The following NR5A2 variants were observed in gnomAD, a reference collection of about 807,000 sequenced individuals.
NR5A2 encodes nuclear receptor subfamily 5 group A member 2, also known as CYP7A promoter-binding factor.
NR5A2 carries 26 observed loss-of-function variants against 62.7 expected under a neutral mutation model. That is an observed-to-expected ratio of 0.41 (90% CI 0.30 to 0.58). The LOEUF (loss-of-function observed/expected upper bound fraction) is 0.58, where lower values mean the gene tolerates loss of function less well. NR5A2 is among the 20% of genes least tolerant of loss of function. The probability of loss-of-function intolerance (pLI) is 0.22; values close to 1 mark genes in which losing one functional copy is unlikely to be tolerated. For synonymous variants in NR5A2, 246 were observed against 241.7 expected (o/e 1.02, Z -0.16); for missense variants, 541 against 669.1 (o/e 0.81, Z 2.11).
chr1:200,135,313 G>A (rs1402701175), intron 7 of NR5A2, among the ~76,000 whole-genome samples: 4 of 152,146 alleles, frequency 2.6e-5, no homozygotes, highest in South Asian at 2.1e-4. Flanking sequence ...CTGAGGTCGC[G>A]AGTTCGAGAC....
chr1:200,094,966 G>A (rs1359348218), intron 5 of NR5A2, among the ~76,000 whole-genome samples: 1 of 152,024 alleles, frequency 6.6e-6, no homozygotes, highest in East Asian at 1.9e-4. Context: ...AGAACATAAA[G>A]GAATATGTTA....
At chr1:200,031,537 CAAAACA>C (rs1397731900) in intron 1 of NR5A2, among the ~76,000 whole-genome samples, 1 of 139,758 alleles carries the variant, frequency 7.2e-6, no homozygotes, top group Non-Finnish European at 1.6e-5. Flanking sequence ...CAAAACAAAA[CAAAACA>C]AAAAAAGGAT....
chr1:200,102,839 G>A (rs548194762), intron 5 of NR5A2, among the ~76,000 whole-genome samples: 6 of 152,212 alleles, frequency 3.9e-5, no homozygotes, highest in Non-Finnish European at 7.3e-5. Context: ...AGGAATGATA[G>A]TATGGGATGG....
chr1:200,157,285 T>G (rs1231740549), intron 7 of NR5A2, among the ~76,000 whole-genome samples: 1 of 152,214 alleles, frequency 6.6e-6, no homozygotes, highest in Non-Finnish European at 1.5e-5. Context: ...ATAATTCTGC[T>G]AAATAATCAG....
intron 5 of NR5A2, among the ~76,000 whole-genome samples, chr1:200,081,816 T>C (rs1365137817): frequency 6.6e-6 from 1 of 151,946 alleles, no homozygotes; most frequent in African/African-American, 2.4e-5. Flanking sequence ...AGCACTCTGT[T>C]TGTTATTCTA....
In NR5A2 at chr1:200,039,675, C is replaced by A; in HGVS notation, c.82C>A (p.Arg28=). 1 of 1,611,470 alleles carries A rather than the reference C, an allele frequency of 6.2e-7. No homozygotes were observed. Among genetic ancestry groups the A allele is most frequent in the Non-Finnish European group, 8.5e-7 (1 of 1,178,946 alleles). The stretch of plus-strand genomic sequence containing the variant: ...GTGTCCAGGTGCTGGGCTTCCGGAC[C>A]GACACGGATCCCCCATCCCCGCCCG... ...LTPIGAGLPD[R]HGSPIPARGR... The change falls in exon 2 of 8, where the codon CGA becomes AGA. Residue 28 remains arginine, a synonymous_variant. Coordinates refer to ENST00000367362, the MANE Select transcript of NR5A2 (RefSeq NM_205860.3). The surrounding 1 kb of genome is among the most constrained non-coding windows in gnomAD (Gnocchi z 5.1).
chr1:200,157,534 A>G (rs1571570991), intron 7 of NR5A2, among the ~76,000 whole-genome samples: 2 of 152,334 alleles, frequency 1.3e-5, no homozygotes, highest in Middle Eastern at 6.8e-3. Context: ...TCTTTTGCAA[A>G]TGTTTCAAGC....
At chr1:200,038,825 AG>A in intron 1 of NR5A2, 1 of 1,074,726 alleles carries the variant, frequency 9.3e-7, no homozygotes, top group Non-Finnish European at 1.2e-6. Flanking sequence ...GTGGGGTGGG[AG>A]GGGGTGAGGC....
At chr1:200,067,610 G>A (rs1663550861) in intron 5 of NR5A2, among the ~76,000 whole-genome samples, 1 of 151,886 alleles carries the variant, frequency 6.6e-6, no homozygotes, top group Non-Finnish European at 1.5e-5. Flanking sequence ...GGGAACAACA[G>A]ACACGAGTCT....
intron 7 of NR5A2, among the ~76,000 whole-genome samples, chr1:200,159,792 C>T (rs1167252122): frequency 6.6e-6 from 1 of 151,856 alleles, no homozygotes; most frequent in Non-Finnish European, 1.5e-5. Context: ...GCTGGAATTA[C>T]AGGCGCGAGC....
chr1:200,141,435 A>G (rs1380144381), intron 7 of NR5A2, among the ~76,000 whole-genome samples: 1 of 152,198 alleles, frequency 6.6e-6, no homozygotes, highest in Non-Finnish European at 1.5e-5. Context: ...AAGTGTATCA[A>G]TAGTTTGTTC....
At position 200,039,450 on chromosome 1, in the gene NR5A2, C is replaced by G. The variant is rs1661948314; in HGVS notation, c.65-208C>G. Among the ~76,000 whole-genome samples the G allele has an allele frequency of 6.6e-6, 1 of 152,118 alleles. No homozygotes were observed. The highest frequency in any genetic ancestry group is 6.5e-5 in the Admixed American group (1 of 15,282). ...AACCAGAGGGCCGGGACGCTGTCTT[C>G]CTCGCCTCCTTTTTTAACCCTGACC... On this transcript the variant is annotated intron_variant, in intron 1 of 7. Transcript: ENST00000367362. This position sits in a 1 kb window ranked among gnomAD's most constrained non-coding sequence, Gnocchi z 5.1.
intron 2 of NR5A2, among the ~76,000 whole-genome samples, chr1:200,042,280 A>G (rs1248413150): frequency 6.6e-6 from 1 of 152,140 alleles, no homozygotes; most frequent in Non-Finnish European, 1.5e-5. Context: ...GCCCGGGAAG[A>G]GACGCGTCAA....
intron 7 of NR5A2, among the ~76,000 whole-genome samples, chr1:200,171,399 C>G (rs750074765): frequency 1.3e-5 from 2 of 152,114 alleles, no homozygotes; most frequent in Non-Finnish European, 2.9e-5. Flanking sequence ...GAAAATTGCA[C>G]ATATTTCCCA....
Position 200,176,097 on chromosome 1 carries a change from T to C in NR5A2, c.*1887T>C, listed in dbSNP as rs1348510548. ...AAGAGTCTTAATGAATTAAAATCAT[T>C]CACTTGATTAAATGTCTGTAAATCT... On this transcript the variant is annotated 3_prime_UTR_variant, in exon 8 of 8. Coordinates refer to ENST00000367362, the MANE Select transcript of NR5A2 (RefSeq NM_205860.3). The C allele has an allele frequency of 6.6e-6, 1 of 152,666 alleles. No homozygotes were observed. Among genetic ancestry groups the C allele is most frequent in the Non-Finnish European group, 1.5e-5 (1 of 68,034 alleles). 9.5% of individuals were successfully genotyped at this position (152,666 alleles called of 1,614,324 possible).
chr1:200,070,824 T>C (rs1663709248), intron 5 of NR5A2, among the ~76,000 whole-genome samples: 1 of 147,730 alleles, frequency 6.8e-6, no homozygotes, highest in Non-Finnish European at 1.5e-5. Flanking sequence ...TTGCTCTGTG[T>C]CAATGTGCCA....
chr1:200,042,243 C>T (rs1029990225), intron 2 of NR5A2, among the ~76,000 whole-genome samples: 2 of 152,142 alleles, frequency 1.3e-5, no homozygotes, highest in African/African-American at 4.8e-5. Context: ...TAACTCACTC[C>T]CCTGTGAGCC....
chr1:200,043,504 C>A (rs993503244), intron 2 of NR5A2, among the ~76,000 whole-genome samples: 1 of 152,138 alleles, frequency 6.6e-6, no homozygotes, highest in African/African-American at 2.4e-5. Flanking sequence ...AGTTATGAGA[C>A]TTGTGTTTAA....
At position 200,173,868 on chromosome 1, in the gene NR5A2, G is replaced by C. The variant is rs540547099; in HGVS notation, c.1379-95G>C. ...CATGTAAAGTATGTTTATGTCAAAAGGAAAATACATCCATTAATTGAACAC... is the reference window on the plus strand; with the variant it reads ...CATGTAAAGTATGTTTATGTCAAAACGAAAATACATCCATTAATTGAACAC... On this transcript the variant is annotated intron_variant, in intron 7 of 7. Transcript: ENST00000367362. 2.0e-4 allele frequency: 256 copies of C among 1,269,410 alleles called. 2 individuals are homozygous for C. In the African/African-American group the frequency reaches 3.0e-3, roughly 15 times the overall value. The allele number at this position is 1,269,410 out of a possible 1,614,324, so 78.6% of individuals were successfully genotyped here.
Sources: gnomAD v4.1 joint callset for allele counts (sites outside exome capture counted in the v4.1 genomes callset) on GRCh38, gnomAD v4.1.1 for gene constraint, Gnocchi (gnomAD v3.1) non-coding constraint, MANE v1.5 for transcripts, NCBI Gene and HGNC (gene_info 2026-07-23, HGNC 2026-07-21) for gene names.